Variants in SEMA5B observed in about 807,000 individuals in gnomAD.
SEMA5B encodes the protein semaphorin 5B, also known as semaphorin-5B.
A neutral mutation model predicts 135.0 loss-of-function variants in SEMA5B; 66 were observed. That is an observed-to-expected ratio of 0.49 (90% CI 0.40 to 0.60). The LOEUF (loss-of-function observed/expected upper bound fraction) is 0.60. SEMA5B is among the 20% of genes least tolerant of loss of function. The probability of loss-of-function intolerance (pLI) is 0.00; values close to 1 mark genes in which losing one functional copy is unlikely to be tolerated. For missense variants in SEMA5B, 1,501 were observed against 1,566.3 expected, an observed-to-expected ratio of 0.96 and a Z score of 0.70; for synonymous variants, 690 against 639.5, an observed-to-expected ratio of 1.08 and a Z score of -1.19.
At chr3:122,921,405 A>C (rs140523194) in intron 12 of SEMA5B, among the ~76,000 whole-genome samples, 6 of 152,328 alleles carry the variant, frequency 3.9e-5, no homozygotes, top group Non-Finnish European at 7.3e-5. Context: ...CAACTCCTCC[A>C]CGTGGCGCCT....
chr3:122,922,495 G>T (rs1353696139), intron 10 of SEMA5B, 48 bp from the exon 11 acceptor site: 2 of 1,509,690 alleles, frequency 1.3e-6, no homozygotes, highest in South Asian at 2.4e-5. Flanking sequence ...CAGGGCTGCC[G>T]CCATCCCCCG....
chr3:122,995,960 G>C (rs1942012784), intron 1 of SEMA5B, among the ~76,000 whole-genome samples: 1 of 152,240 alleles, frequency 6.6e-6, no homozygotes, highest in African/African-American at 2.4e-5. Flanking sequence ...GCTGGAGCCT[G>C]GCTGTCAGCC....
intron 3 of SEMA5B, among the ~76,000 whole-genome samples, chr3:122,948,229 T>C (rs1939876530): frequency 6.6e-6 from 1 of 152,124 alleles, no homozygotes; most frequent in Non-Finnish European, 1.5e-5. Flanking sequence ...ACAACTTCCT[T>C]TTCTAGCAAA....
At chr3:122,962,884 A>T (rs1940647474) in intron 1 of SEMA5B, among the ~76,000 whole-genome samples, 1 of 151,384 alleles carries the variant, frequency 6.6e-6, no homozygotes, top group South Asian at 2.1e-4. Flanking sequence ...CCTTACTCTC[A>T]TTTGACACGT....
At chr3:123,014,512 T>C (rs964572813) in intron 1 of SEMA5B, among the ~76,000 whole-genome samples, 2 of 152,212 alleles carry the variant, frequency 1.3e-5, no homozygotes, top group Non-Finnish European at 2.9e-5. Flanking sequence ...GTGGGACATA[T>C]AGCTGGTTGC....
chr3:122,955,215 C>T (rs1224797039), intron 2 of SEMA5B, among the ~76,000 whole-genome samples: 1 of 151,996 alleles, frequency 6.6e-6, no homozygotes, highest in African/African-American at 2.4e-5. Context: ...GGAGCCAGCT[C>T]TGTTCTGTCT....
chr3:122,961,614 A>G (rs1314319248), intron 1 of SEMA5B, among the ~76,000 whole-genome samples: 1 of 152,048 alleles, frequency 6.6e-6, no homozygotes, highest in African/African-American at 2.4e-5. Flanking sequence ...TTGCACCACC[A>G]TACCTGGCTA....
intron 2 of SEMA5B, 152 bp downstream of exon 2, chr3:122,960,988 C>T (rs956274372): frequency 1.3e-6 from 1 of 788,560 alleles, no homozygotes; most frequent in Non-Finnish European, 1.9e-6. Flanking sequence ...TATATGTTAC[C>T]ACAATTTTTA....
intron 13 of SEMA5B, 32 bp downstream of exon 13, chr3:122,915,741 T>A: frequency 6.2e-7 from 1 of 1,608,168 alleles, no homozygotes; most frequent in Non-Finnish European, 8.5e-7. Context: ...GAAGGAGGGG[T>A]CTGAGATGGG....
At chr3:122,947,496 TG>T (rs1939839156) in intron 3 of SEMA5B, among the ~76,000 whole-genome samples, 1 of 152,064 alleles carries the variant, frequency 6.6e-6, no homozygotes, top group African/African-American at 2.4e-5. Flanking sequence ...TCCTGCAGGA[TG>T]GGGCTCCGCA....
chr3:122,929,425 G>C (rs890191069), intron 5 of SEMA5B, among the ~76,000 whole-genome samples: 1 of 152,220 alleles, frequency 6.6e-6, no homozygotes, highest in Non-Finnish European at 1.5e-5. Context: ...CCCTGGGTGG[G>C]GAATGCGCCT....
chr3:122,939,165 C>T (rs1444941122), intron 5 of SEMA5B, among the ~76,000 whole-genome samples: 2 of 152,240 alleles, frequency 1.3e-5, no homozygotes, highest in African/African-American at 4.8e-5. Flanking sequence ...TCTTTTTCTC[C>T]CTTCCTCATT....
intron 1 of SEMA5B, among the ~76,000 whole-genome samples, chr3:123,025,379 T>C (rs1279433652): frequency 6.6e-6 from 1 of 152,182 alleles, no homozygotes. Context: ...CCCAAACACA[T>C]AGACAAGTGT....
At chr3:122,948,454 C>A (rs1939890631) in intron 3 of SEMA5B, 52 bp downstream of exon 3, 4 of 1,497,236 alleles carry the variant, frequency 2.7e-6, no homozygotes, top group Admixed American at 3.7e-5. Context: ...TGACCTAAGT[C>A]CTTCAGGACA....
chr3:122,952,407 C>T (rs544086590), intron 2 of SEMA5B, among the ~76,000 whole-genome samples: 15 of 152,288 alleles, frequency 9.8e-5, no homozygotes, highest in African/African-American at 2.6e-4. Context: ...CCAGACAACC[C>T]GAGGCCCAGT....
intron 1 of SEMA5B, among the ~76,000 whole-genome samples, chr3:122,962,327 G>T (rs1560371385): frequency 6.6e-6 from 1 of 152,198 alleles, no homozygotes; most frequent in Non-Finnish European, 1.5e-5. Flanking sequence ...ATGGATCCCG[G>T]CCAGTCATGG....
intron 1 of SEMA5B, among the ~76,000 whole-genome samples, chr3:123,006,962 TA>T (rs1218541964): frequency 1.3e-5 from 2 of 152,150 alleles, no homozygotes; most frequent in East Asian, 3.9e-4. Context: ...ATCCCCGGTC[TA>T]AACTATAATG....
At chr3:122,969,426 C>T (rs1252959461) in intron 1 of SEMA5B, among the ~76,000 whole-genome samples, 2 of 152,230 alleles carry the variant, frequency 1.3e-5, no homozygotes, top group South Asian at 2.1e-4. Context: ...CTGAGTCCAG[C>T]CCAGTTCCTC....
Position 122,942,567 on chromosome 3 carries a change from T to C in SEMA5B, c.428+869A>G, listed in dbSNP as rs201000588. On this transcript the variant is annotated intron_variant, in intron 4 of 22. Transcript: ENST00000357599. ...ACCTGGCTGTAGTCCCCACACCCTG[T>C]TGTCATCATGCTATGTGATGCTGGG... 2.8e-4 allele frequency among the ~76,000 whole-genome samples: 43 copies of C among 152,308 alleles called. No homozygotes were observed. In the East Asian group the frequency reaches 5.6e-3, roughly 20 times the overall value.
Sources: allele counts gnomAD v4.1 joint callset (sites outside exome capture counted in the v4.1 genomes callset), GRCh38; gene constraint gnomAD v4.1.1; transcripts MANE v1.5; gene names NCBI Gene and HGNC (gene_info 2026-07-23, HGNC 2026-07-21).